APLF: variants seen among roughly 807,000 people sequenced by gnomAD.
APLF encodes aprataxin and PNKP like factor, also known as aprataxin and PNK-like factor.
Under a neutral mutation model 55.6 loss-of-function variants are expected in APLF, and 61 were observed. That is an observed-to-expected ratio of 1.10 (90% CI 0.89 to 1.36). APLF has a LOEUF of 1.36. Ranked by LOEUF, APLF falls within the 40% of genes most tolerant of loss-of-function variation. APLF has a pLI of 0.00. For synonymous variants in APLF, 207 were observed against 214.8 expected (o/e 0.96, Z 0.32); for missense variants, 611 against 602.5 (o/e 1.01, Z -0.15).
At chr2:68,550,665 GTTT>G (rs1293671240) in intron 8 of APLF, among the ~76,000 whole-genome samples, 1 of 150,960 alleles carries the variant, frequency 6.6e-6, no homozygotes, top group African/African-American at 2.4e-5. Flanking sequence ...TTTTCATTCT[GTTT>G]TTTTCTCCTC....
At chr2:68,531,489 T>C (rs942117701) in intron 6 of APLF, 2 of 152,240 alleles carry the variant, frequency 1.3e-5, no homozygotes, top group Non-Finnish European at 1.5e-5. Flanking sequence ...AGGAACCAGC[T>C]TCTCACTGGA....
chr2:68,468,027 C>T (rs1399071963), intron 1 of APLF, among the ~76,000 whole-genome samples, 200 bp downstream of exon 1: 1 of 152,246 alleles, frequency 6.6e-6, no homozygotes, highest in Non-Finnish European at 1.5e-5. Context: ...AAAACACTGA[C>T]TGTATTACCA....
Position 68,525,742 on chromosome 2 carries a change from C to CTTTTTTTTTTTTTTTTTTTT in APLF, c.623-313_623-294dup, listed in dbSNP as rs386390398. On this transcript the variant is annotated intron_variant, in intron 5 of 9. Coordinates refer to ENST00000303795, the MANE Select transcript of APLF (RefSeq NM_173545.3). Reference sequence around the variant, plus strand: ...TTTATCCTTTTTATTTTCTTTCTTTCTTTTTTTTTTTTTTTTTTTTTTTTT... The same window carrying CTTTTTTTTTTTTTTTTTTTT: ...TTTATCCTTTTTATTTTCTTTCTTTCTTTTTTTTTTTTTTTTTTTTTTTTTTTTTTTTTTTTTTTTTTTTT... Among the ~76,000 whole-genome samples the CTTTTTTTTTTTTTTTTTTTT allele has an allele frequency of 1.3e-3, 108 of 82,006 alleles. 7 individuals are homozygous for CTTTTTTTTTTTTTTTTTTTT. The highest frequency in any genetic ancestry group is 4.9e-3 in the African/African-American group (79 of 16,174). The allele number at this position is 82,006 out of a possible 152,430, so 53.8% of individuals were successfully genotyped here. A position where few individuals can be genotyped will look rare whatever the true frequency, so the allele number is the denominator to read the frequency against.
At chr2:68,475,624 T>C (rs898580056) in intron 1 of APLF, among the ~76,000 whole-genome samples, 2 of 152,206 alleles carry the variant, frequency 1.3e-5, no homozygotes, top group African/African-American at 4.8e-5. Context: ...TATTTCTTCA[T>C]AATTGCCCCT....
intron 1 of APLF, among the ~76,000 whole-genome samples, chr2:68,483,199 A>T (rs533606180): frequency 6.6e-6 from 1 of 152,262 alleles, no homozygotes; most frequent in South Asian, 2.1e-4. Context: ...GGAGCGCATA[A>T]CACGAGCTCC....
At chr2:68,514,158 A>G (rs1033039062) in intron 5 of APLF, among the ~76,000 whole-genome samples, 2 of 151,620 alleles carry the variant, frequency 1.3e-5, no homozygotes, top group African/African-American at 4.8e-5. Context: ...TCTTTTGTGT[A>G]AGTTTATGTT....
chr2:68,468,387 A>G (rs72900051), intron 1 of APLF, among the ~76,000 whole-genome samples: 14,568 of 152,178 alleles, frequency 0.096, 2,046 homozygotes, highest in African/African-American at 0.31. Context: ...ATGAGTAGCT[A>G]ACCCTTCATA....
intron 5 of APLF, chr2:68,515,671 C>T (rs1669560115): frequency 8.1e-6 from 8 of 982,682 alleles, no homozygotes; most frequent in Non-Finnish European, 9.7e-6. Flanking sequence ...TCTGGAATAT[C>T]GCATGTGTAC....
At position 68,502,901 on chromosome 2, in the gene APLF, A is replaced by C. The variant is rs1676765554; in HGVS notation, c.339A>C (p.Leu113Phe). 6.3e-7 allele frequency: 1 copy of C among 1,599,500 alleles called. No homozygotes were observed. The highest frequency in any genetic ancestry group is 1.4e-5 in the African/African-American group (1 of 73,840). ...IPSEVEMQCT[L>F]RNSQVLDEDN... Reference sequence around the variant, plus strand: ...CTGAAGTGGAAATGCAATGTACCTTAAGGTAAGTGCCTGATGAAATGAGAG... The same window carrying C: ...CTGAAGTGGAAATGCAATGTACCTTCAGGTAAGTGCCTGATGAAATGAGAG... The change falls in exon 3 of 10, where the codon TTA becomes TTC. Residue 113 changes from leucine to phenylalanine, a missense_variant and splice_region_variant. By Grantham distance (22) the Leu-to-Phe change is conservative. Transcript: ENST00000303795.
At chr2:68,540,448 G>T in intron 7 of APLF, among the ~76,000 whole-genome samples, 1 of 152,028 alleles carries the variant, frequency 6.6e-6, no homozygotes, top group Middle Eastern at 3.2e-3. Context: ...CTTTGCTATT[G>T]TGAATAGTGC....
chr2:68,514,020 C>T (rs1669495088), intron 5 of APLF, among the ~76,000 whole-genome samples: 1 of 151,678 alleles, frequency 6.6e-6, no homozygotes, highest in African/African-American at 2.4e-5. Context: ...TTAAAAATGC[C>T]AGACGAATTG....
intron 2 of APLF, 64 bp downstream of exon 2, chr2:68,490,325 G>T (rs1676320510): frequency 7.2e-7 from 1 of 1,394,908 alleles, no homozygotes; most frequent in Non-Finnish European, 9.9e-7. Flanking sequence ...CCCAAGCAGA[G>T]GTGCCTATTT....
chr2:68,522,608 G>C (rs1311367674), intron 5 of APLF, among the ~76,000 whole-genome samples: 3 of 151,722 alleles, frequency 2.0e-5, no homozygotes, highest in Admixed American at 1.3e-4. Flanking sequence ...TCCTGATCTG[G>C]GCCTGATGCC....
At chr2:68,505,425 T>A (rs1425410987) in intron 3 of APLF, among the ~76,000 whole-genome samples, 1 of 152,032 alleles carries the variant, frequency 6.6e-6, no homozygotes, top group Non-Finnish European at 1.5e-5. Context: ...AAGACCAGTG[T>A]CTTTAGGGCA....
At chr2:68,556,196 T>C (rs2104040731) in intron 8 of APLF, among the ~76,000 whole-genome samples, 1 of 152,230 alleles carries the variant, frequency 6.6e-6, no homozygotes, top group East Asian at 1.9e-4. Flanking sequence ...CTTTGGGAAC[T>C]TGGGGAGAAA....
intron 1 of APLF, among the ~76,000 whole-genome samples, chr2:68,486,594 T>G (rs1484382127): frequency 2.0e-5 from 3 of 152,134 alleles, no homozygotes; most frequent in Non-Finnish European, 2.9e-5. Context: ...TGGGGCTTGA[T>G]CTTCTGAAAC....
intron 3 of APLF, among the ~76,000 whole-genome samples, chr2:68,504,283 A>G (rs1676811218): frequency 6.6e-6 from 1 of 152,000 alleles, no homozygotes; most frequent in African/African-American, 2.4e-5. Context: ...ATAAAAGAAG[A>G]TATACTTCCC....
rs556423719 is a variant in APLF, at chr2:68,490,108, C to T, written c.97-82C>T. 117 of 904,604 alleles carry T rather than the reference C, an allele frequency of 1.3e-4. 1 individual carries two copies. In the East Asian group the frequency reaches 2.4e-3, roughly 19 times the overall value. The allele number at this position is 904,604 out of a possible 1,614,324, so 56.0% of individuals were successfully genotyped here. Reference sequence around the variant, plus strand: ...TAGTCTACTGATTTCAGAAACATCGCCAAGGGTTTCGTTTGCCTTTTTGTT... The same window carrying T: ...TAGTCTACTGATTTCAGAAACATCGTCAAGGGTTTCGTTTGCCTTTTTGTT... On this transcript the variant is annotated intron_variant, in intron 1 of 9. Transcript: ENST00000303795.
At chr2:68,508,833 A>G (rs750156284) in intron 3 of APLF, among the ~76,000 whole-genome samples, 2 of 152,154 alleles carry the variant, frequency 1.3e-5, no homozygotes, top group Non-Finnish European at 2.9e-5. Flanking sequence ...CTACAAGCCT[A>G]CAGTAACCAA....
Sources: allele counts gnomAD v4.1 joint callset (sites outside exome capture counted in the v4.1 genomes callset), GRCh38; gene constraint gnomAD v4.1.1; transcripts MANE v1.5; gene names NCBI Gene and HGNC (gene_info 2026-07-23, HGNC 2026-07-21).